Variants in DLG2 observed in about 807,000 individuals in gnomAD.
DLG2 encodes disks large homolog 2.
Under a neutral mutation model 132.5 loss-of-function variants are expected in DLG2, and 45 were observed. The observed-to-expected ratio is 0.34, with a 90% CI of 0.27 to 0.44. DLG2 has a LOEUF of 0.44. DLG2 is among the 20% of genes least tolerant of loss of function. The probability of loss-of-function intolerance (pLI) is 1.00; values close to 1 mark genes in which losing one functional copy is unlikely to be tolerated. For synonymous variants in DLG2, 424 were observed against 419.6 expected (o/e 1.01, Z -0.13); for missense variants, 1,045 against 1,196.9 (o/e 0.87, Z 1.87).
intron 3 of DLG2, among the ~76,000 whole-genome samples, chr11:85,424,096 T>C (rs1316124926): frequency 1.3e-5 from 2 of 152,162 alleles, no homozygotes; most frequent in African/African-American, 2.4e-5. Flanking sequence ...ACCCATTGCT[T>C]CGTCTACCAC....
intron 3 of DLG2, among the ~76,000 whole-genome samples, chr11:85,295,510 G>T (rs1406291031): frequency 6.6e-6 from 1 of 152,096 alleles, no homozygotes; most frequent in Non-Finnish European, 1.5e-5. Flanking sequence ...GTTAGAGATG[G>T]AGAAACTGAG....
At chr11:84,136,297 G>A (rs952431160) in intron 9 of DLG2, among the ~76,000 whole-genome samples, 7 of 152,056 alleles carry the variant, frequency 4.6e-5, no homozygotes, top group African/African-American at 1.7e-4. Context: ...GATGAATTCT[G>A]ACCCTACCAT....
chr11:85,291,984 C>G (rs1420936346), intron 3 of DLG2, among the ~76,000 whole-genome samples: 1 of 152,150 alleles, frequency 6.6e-6, no homozygotes, highest in East Asian at 1.9e-4. Flanking sequence ...TTACCACATA[C>G]CTGCTTTGAA....
chr11:84,817,799 A>G (rs2153979382), intron 6 of DLG2, among the ~76,000 whole-genome samples: 1 of 152,060 alleles, frequency 6.6e-6, no homozygotes, highest in African/African-American at 2.4e-5. Flanking sequence ...AGATGGGAGG[A>G]ATTTCCCTTC....
chr11:85,109,141 T>C (rs1275223805), intron 6 of DLG2, among the ~76,000 whole-genome samples: 1 of 152,098 alleles, frequency 6.6e-6, no homozygotes, highest in Non-Finnish European at 1.5e-5. Flanking sequence ...CAGGCTCACA[T>C]AATCTAAACA....
chr11:84,629,659 C>T (rs1346520884), intron 6 of DLG2, among the ~76,000 whole-genome samples: 1 of 152,294 alleles, frequency 6.6e-6, no homozygotes, highest in East Asian at 1.9e-4. Flanking sequence ...CCTGGCCCAT[C>T]TTATTCATTT....
chr11:85,082,060 T>A (rs2067301050), intron 6 of DLG2, among the ~76,000 whole-genome samples: 1 of 152,150 alleles, frequency 6.6e-6, no homozygotes, highest in Non-Finnish European at 1.5e-5. Context: ...TTAAAAAAAA[T>A]GGGCAATTTC....
intron 3 of DLG2, among the ~76,000 whole-genome samples, chr11:85,320,995 C>A (rs536641466): frequency 2.0e-4 from 30 of 151,476 alleles, no homozygotes; most frequent in African/African-American, 6.5e-4. Flanking sequence ...CCTCCTTAGT[C>A]TCATGTATGG....
At chr11:84,424,157 T>C (rs2098959268) in intron 7 of DLG2, among the ~76,000 whole-genome samples, 1 of 152,122 alleles carries the variant, frequency 6.6e-6, no homozygotes, top group Admixed American at 6.6e-5. Context: ...CAAATGACAG[T>C]AATCCTAGTA....
intron 6 of DLG2, among the ~76,000 whole-genome samples, chr11:84,761,460 A>G (rs925789206): frequency 3.3e-5 from 5 of 152,202 alleles, no homozygotes; most frequent in African/African-American, 7.2e-5. Context: ...GGAGATTAAC[A>G]TTCGTGTCAG....
At chr11:83,789,570 C>A (rs183018366) in intron 17 of DLG2, among the ~76,000 whole-genome samples, 1 of 149,414 alleles carries the variant, frequency 6.7e-6, no homozygotes, top group African/African-American at 2.5e-5. Flanking sequence ...TTTTTTGAGA[C>A]GAAGTCTCGC....
At chr11:84,295,186 T>C (rs1440919907) in intron 7 of DLG2, among the ~76,000 whole-genome samples, 1 of 152,210 alleles carries the variant, frequency 6.6e-6, no homozygotes, top group Non-Finnish European at 1.5e-5. Context: ...GGTCATGGTA[T>C]AAATTAAGGT....
chr11:85,252,503 T>C (rs2076447131), intron 4 of DLG2, among the ~76,000 whole-genome samples: 1 of 152,046 alleles, frequency 6.6e-6, no homozygotes, highest in Non-Finnish European at 1.5e-5. Flanking sequence ...GGAGAATCGC[T>C]TGAACCCAGG....
At chr11:83,551,058 T>G (rs1029244678) in intron 19 of DLG2, among the ~76,000 whole-genome samples, 1 of 152,192 alleles carries the variant, frequency 6.6e-6, no homozygotes, top group African/African-American at 2.4e-5. Flanking sequence ...GATTCAAATA[T>G]TAGCTCACTA....
intron 3 of DLG2, among the ~76,000 whole-genome samples, chr11:85,431,217 T>C (rs957492956): frequency 1.3e-5 from 2 of 152,148 alleles, no homozygotes; most frequent in Admixed American, 6.5e-5. Context: ...GAGGTATCCA[T>C]GTTCTGTCAT....
At chr11:84,143,412 G>T (rs1490451833) in intron 9 of DLG2, among the ~76,000 whole-genome samples, 1 of 152,108 alleles carries the variant, frequency 6.6e-6, no homozygotes, top group Admixed American at 6.6e-5. Context: ...TAAATCCAAG[G>T]TGACATTTTT....
chr11:83,728,971 C>A (rs777912073), intron 18 of DLG2, among the ~76,000 whole-genome samples: 3 of 152,044 alleles, frequency 2.0e-5, no homozygotes, highest in African/African-American at 4.8e-5. Context: ...TTTTAAAATT[C>A]TTTCCTTCTA....
intron 3 of DLG2, among the ~76,000 whole-genome samples, chr11:85,522,485 C>T (rs2074392163): frequency 6.6e-6 from 1 of 152,160 alleles, no homozygotes; most frequent in Non-Finnish European, 1.5e-5. Context: ...GAGAAGAGGG[C>T]CACCATCCTC....
intron 7 of DLG2, among the ~76,000 whole-genome samples, chr11:84,341,952 A>C (rs10501559): frequency 1.3e-5 from 2 of 152,078 alleles, no homozygotes; most frequent in Non-Finnish European, 2.9e-5. Context: ...GAGATATGAC[A>C]TTTGGCATCA....
Sources: gnomAD v4.1 joint callset for allele counts (sites outside exome capture counted in the v4.1 genomes callset) on GRCh38, gnomAD v4.1.1 for gene constraint, MANE v1.5 for transcripts, NCBI Gene and HGNC (gene_info 2026-07-23, HGNC 2026-07-21) for gene names.